GRIK2: variants seen among roughly 807,000 people sequenced by gnomAD.
The protein encoded by GRIK2 is glutamate ionotropic receptor kainate type subunit 2, also known as glutamate receptor ionotropic, kainate 2.
Under a neutral mutation model 100.3 loss-of-function variants are expected in GRIK2, and 32 were observed. The observed-to-expected ratio is 0.32, with a 90% CI of 0.24 to 0.43. GRIK2 has a LOEUF of 0.43. Ranked by LOEUF, GRIK2 falls within the 20% of genes least tolerant of loss-of-function variation. The probability of loss-of-function intolerance (pLI) is 1.00; values close to 1 mark genes in which losing one functional copy is unlikely to be tolerated. For synonymous variants in GRIK2, 417 were observed against 389.4 expected (o/e 1.07, Z -0.83); for missense variants, 843 against 1,114.9 (o/e 0.76, Z 3.47).
intron 8 of GRIK2, among the ~76,000 whole-genome samples, chr6:101,800,127 C>G (rs542611442): frequency 2.7e-3 from 412 of 152,088 alleles, no homozygotes; most frequent in Middle Eastern, 7.1e-3. Context: ...GTCATTTGCA[C>G]TACAGCAAAA....
At chr6:101,972,737 G>A (rs1793128635) in intron 14 of GRIK2, among the ~76,000 whole-genome samples, 1 of 151,758 alleles carries the variant, frequency 6.6e-6, no homozygotes, top group African/African-American at 2.4e-5. Context: ...GTGAAAGGTA[G>A]GAGTATGGTT....
rs554691353 is a variant in GRIK2 at position 101,406,604 on chromosome 6, C to T, written c.115+7212C>T. Among the ~76,000 whole-genome samples the T allele has an allele frequency of 5.3e-5, 8 of 152,114 alleles. No individual in the cohort carries two copies. The East Asian group carries it at 5.8e-4, about 11-fold the overall frequency. On this transcript the variant is annotated intron_variant, in intron 2 of 16. Coordinates refer to ENST00000369134, the MANE Select transcript of GRIK2 (RefSeq NM_021956.5). ...AGAGTTAGGATGAGTTTATTAGGAT[C>T]GATCGATACTGTCTGTGACAGAGAT...
At chr6:102,003,018 A>G (rs963984451) in intron 14 of GRIK2, among the ~76,000 whole-genome samples, 2 of 151,470 alleles carry the variant, frequency 1.3e-5, no homozygotes, top group African/African-American at 2.4e-5. Context: ...TTAAATTGCA[A>G]TGCTTTTATT....
chr6:101,628,346 A>G (rs1222882641), intron 4 of GRIK2, among the ~76,000 whole-genome samples: 1 of 152,124 alleles, frequency 6.6e-6, no homozygotes, highest in African/African-American at 2.4e-5. Context: ...TACAAATTAG[A>G]GTAATTTTGT....
At chr6:101,579,322 A>C (rs2128302159) in intron 2 of GRIK2, among the ~76,000 whole-genome samples, 1 of 152,176 alleles carries the variant, frequency 6.6e-6, no homozygotes, top group African/African-American at 2.4e-5. Context: ...TACCATAATA[A>C]CTTTAAGGTA....
chr6:102,035,192 G>GATATAT, intron 14 of GRIK2, 149 bp from the exon 15 acceptor site: 1 of 172,318 alleles, frequency 5.8e-6, no homozygotes. Context: ...AGACTTTTTT[G>GATATAT]GTATATATAT....
intron 7 of GRIK2, among the ~76,000 whole-genome samples, chr6:101,734,807 A>G (rs1379315330): frequency 6.6e-6 from 1 of 152,222 alleles, no homozygotes; most frequent in Admixed American, 6.5e-5. Flanking sequence ...TTAAAAGGAC[A>G]TGAGGAAGTT....
At chr6:101,717,466 C>T (rs758101830) in intron 7 of GRIK2, among the ~76,000 whole-genome samples, 87 of 151,764 alleles carry the variant, frequency 5.7e-4, no homozygotes, top group Non-Finnish European at 1.6e-4. Flanking sequence ...CTAGAATTTA[C>T]AGGACATTCT....
At chr6:102,028,735 A>G (rs1159986188) in intron 14 of GRIK2, among the ~76,000 whole-genome samples, 1 of 146,862 alleles carries the variant, frequency 6.8e-6, no homozygotes, top group Non-Finnish European at 1.5e-5. Flanking sequence ...CGTTTTTTTT[A>G]TTTTTGTCAG....
chr6:101,988,119 G>C (rs895690907), intron 14 of GRIK2, among the ~76,000 whole-genome samples: 3 of 46,068 alleles, frequency 6.5e-5, no homozygotes, highest in African/African-American at 2.8e-4. Flanking sequence ...GTGTGTGTGT[G>C]TGTGTGTGTG....
At chr6:101,949,549 T>C (rs1791485967) in intron 14 of GRIK2, among the ~76,000 whole-genome samples, 2 of 152,038 alleles carry the variant, frequency 1.3e-5, no homozygotes, top group Admixed American at 6.6e-5. Flanking sequence ...TGATGTTCCC[T>C]GCCCTGTGTC....
intron 14 of GRIK2, among the ~76,000 whole-genome samples, chr6:102,032,747 T>A (rs1364670120): frequency 6.6e-6 from 1 of 151,278 alleles, no homozygotes; most frequent in East Asian, 1.9e-4. Context: ...TGAGGATCAT[T>A]TATGCCATTC....
At chr6:101,682,675 T>A in intron 6 of GRIK2, 69 bp downstream of exon 6, 2 of 729,918 alleles carry the variant, frequency 2.7e-6, no homozygotes, top group Admixed American at 2.5e-5. Context: ...AAAAATAGGT[T>A]TTTTAGTAAG....
chr6:101,689,717 C>T (rs1294250525), intron 7 of GRIK2, among the ~76,000 whole-genome samples: 2 of 152,090 alleles, frequency 1.3e-5, no homozygotes, highest in African/African-American at 2.4e-5. Flanking sequence ...TCTTCTTTTA[C>T]ACATGAGGGT....
At chr6:101,646,926 G>T (rs987397720) in intron 4 of GRIK2, among the ~76,000 whole-genome samples, 1 of 151,792 alleles carries the variant, frequency 6.6e-6, no homozygotes, top group East Asian at 1.9e-4. Context: ...AAACATGAGA[G>T]GTAAACATAA....
rs1015890565 is a variant in GRIK2, at chr6:101,490,899, A to G, written c.115+91507A>G. Among the ~76,000 whole-genome samples, 4 of 146,192 alleles carry G rather than the reference A, an allele frequency of 2.7e-5. 1 individual carries two copies. Among genetic ancestry groups the G allele is most frequent in the Admixed American group, 6.8e-5 (1 of 14,618 alleles). On this transcript the variant is annotated intron_variant, in intron 2 of 16. Coordinates refer to ENST00000369134, the MANE Select transcript of GRIK2 (RefSeq NM_021956.5). ...ATTTTCATTTCTGGTAATAAGGCAA[A>G]CTGGATGATGGAGGGAATAACAGAC...
intron 2 of GRIK2, among the ~76,000 whole-genome samples, chr6:101,481,803 A>T (rs760925113): frequency 6.6e-6 from 1 of 152,092 alleles, no homozygotes; most frequent in Non-Finnish European, 1.5e-5. Context: ...CAATCCCCGT[A>T]ATCCCCACGT....
At chr6:101,837,484 T>TAC (rs1459378375) in intron 10 of GRIK2, among the ~76,000 whole-genome samples, 1 of 152,178 alleles carries the variant, frequency 6.6e-6, no homozygotes, top group Non-Finnish European at 1.5e-5. Flanking sequence ...TGTATATATA[T>TAC]ACCAAACATT....
chr6:101,493,577 A>C (rs1773256271), intron 2 of GRIK2, among the ~76,000 whole-genome samples: 3 of 152,038 alleles, frequency 2.0e-5, no homozygotes, highest in Admixed American at 2.0e-4. Flanking sequence ...AATATTTACT[A>C]ATCAATAAAT....
Sources: allele counts gnomAD v4.1 joint callset (sites outside exome capture counted in the v4.1 genomes callset), GRCh38; gene constraint gnomAD v4.1.1; transcripts MANE v1.5; gene names NCBI Gene and HGNC (gene_info 2026-07-23, HGNC 2026-07-21).